The following CDH13 variants were observed in gnomAD, a reference collection of about 807,000 sequenced individuals.
CDH13 encodes the protein cadherin-13.
A neutral mutation model predicts 63.8 loss-of-function variants in CDH13; 24 were observed. The ratio of observed to expected loss-of-function variants is 0.38; its 90% CI spans 0.27 to 0.53. CDH13 has a LOEUF of 0.53. Among genes scored for constraint, CDH13 ranks in the 20% least tolerant of loss-of-function variants. The pLI, the probability that CDH13 is intolerant of heterozygous loss-of-function variation, is 0.85. For synonymous variants in CDH13, 503 were observed against 355.3 expected, an observed-to-expected ratio of 1.42 and a Z score of -4.67; for missense variants, 1,049 against 903.1, an observed-to-expected ratio of 1.16 and a Z score of -2.07.
chr16:83,286,451 G>C (rs973339554), intron 5 of CDH13, among the ~76,000 whole-genome samples: 3 of 152,136 alleles, frequency 2.0e-5, no homozygotes, highest in Admixed American at 2.0e-4. Flanking sequence ...TTGGGTGATA[G>C]AAGTTTCCGT....
intron 8 of CDH13, among the ~76,000 whole-genome samples, chr16:83,656,529 C>G (rs911437100): frequency 1.3e-5 from 2 of 152,094 alleles, no homozygotes; most frequent in Non-Finnish European, 2.9e-5. Context: ...CATCCAGGTG[C>G]TGACTGATGA....
intron 6 of CDH13, among the ~76,000 whole-genome samples, chr16:83,350,061 G>C (rs1401298491): frequency 6.6e-6 from 1 of 152,206 alleles, no homozygotes; most frequent in East Asian, 1.9e-4. Flanking sequence ...ATGAGACATA[G>C]GTTCAAAGCT....
At position 82,717,012 on chromosome 16, in the gene CDH13, G is replaced by T. The variant is rs149040660; in HGVS notation, c.45+89875G>T. 2.2e-3 allele frequency among the ~76,000 whole-genome samples: 332 copies of T among 152,190 alleles called. 7 individuals are homozygous for T. In the East Asian group the frequency reaches 0.041, roughly 19 times the overall value. The stretch of plus-strand genomic sequence containing the variant: ...GATGCTGGAAGGAGTGCCTTTTGGG[G>T]AATGAGCTGAGCTTGGCCAGATGCT... On this transcript the variant is annotated intron_variant, in intron 1 of 13. Transcript: ENST00000567109.
chr16:83,183,063 G>C (rs959435528), intron 4 of CDH13, among the ~76,000 whole-genome samples: 5 of 152,060 alleles, frequency 3.3e-5, no homozygotes, highest in African/African-American at 7.2e-5. Flanking sequence ...GGATTTTTCA[G>C]ATAAGGTTCC....
At chr16:83,559,612 GGAAA>G (rs2075666094) in intron 7 of CDH13, among the ~76,000 whole-genome samples, 2 of 149,388 alleles carry the variant, frequency 1.3e-5, no homozygotes, top group African/African-American at 4.9e-5. Context: ...AAGGAAGGAA[GGAAA>G]GAAAGAGAAA....
intron 8 of CDH13, among the ~76,000 whole-genome samples, chr16:83,610,175 C>T (rs1266602806): frequency 1.3e-5 from 2 of 151,948 alleles, no homozygotes; most frequent in African/African-American, 2.4e-5. Flanking sequence ...CTGCTGTGAA[C>T]ATTCATGTAA....
intron 6 of CDH13, among the ~76,000 whole-genome samples, chr16:83,356,882 C>T (rs902829608): frequency 6.6e-6 from 1 of 152,130 alleles, no homozygotes; most frequent in South Asian, 2.1e-4. Flanking sequence ...AGTATAGTAC[C>T]CAAGCTATTT....
intron 3 of CDH13, among the ~76,000 whole-genome samples, chr16:83,054,075 C>A (rs551040711): frequency 1.3e-5 from 2 of 152,216 alleles, no homozygotes; most frequent in East Asian, 3.9e-4. Context: ...ACATACTGTA[C>A]GGGTTTATAG....
At chr16:82,783,010 C>T (rs1469678825) in intron 1 of CDH13, among the ~76,000 whole-genome samples, 2 of 152,190 alleles carry the variant, frequency 1.3e-5, no homozygotes, top group African/African-American at 4.8e-5. Flanking sequence ...CCAAACAATG[C>T]CTGGGACCCA....
chr16:83,356,983 T>A (rs897115588), intron 6 of CDH13, among the ~76,000 whole-genome samples: 1 of 152,204 alleles, frequency 6.6e-6, no homozygotes. Flanking sequence ...AGTTTTCCAC[T>A]TTTCTTTAGT....
intron 5 of CDH13, among the ~76,000 whole-genome samples, chr16:83,271,439 A>T (rs1321912437): frequency 3.6e-5 from 5 of 137,426 alleles, no homozygotes; most frequent in African/African-American, 1.3e-4. Context: ...AAAAAAAAAA[A>T]AAAAAAAAAA....
intron 7 of CDH13, among the ~76,000 whole-genome samples, chr16:83,519,080 G>C (rs1159787795): frequency 6.6e-6 from 1 of 152,120 alleles, no homozygotes; most frequent in Non-Finnish European, 1.5e-5. Flanking sequence ...TTCTTTGTCC[G>C]TAGCCTGGAA....
intron 5 of CDH13, among the ~76,000 whole-genome samples, chr16:83,259,576 A>T (rs2151834086): frequency 6.6e-6 from 1 of 152,348 alleles, no homozygotes; most frequent in East Asian, 1.9e-4. Context: ...CATAGATTAC[A>T]GGCAGAGAAA....
rs550381245 is a variant in CDH13 at position 83,209,931 on chromosome 16, A to G, written c.484-7414A>G. 3.9e-5 allele frequency among the ~76,000 whole-genome samples: 6 copies of G among 152,202 alleles called. No homozygotes were observed. The South Asian group carries it at 6.2e-4, about 16-fold the overall frequency. ...GGGGGATGGCCATCCAGCTAAAGAAAGGCACAGCTCAGAGGGCTGTGCCTC... is the reference window on the plus strand; with the variant it reads ...GGGGGATGGCCATCCAGCTAAAGAAGGGCACAGCTCAGAGGGCTGTGCCTC... On this transcript the variant is annotated intron_variant, in intron 4 of 13. Transcript: ENST00000567109.
At chr16:82,858,659 A>G (rs963815589) in intron 2 of CDH13, 186 bp downstream of exon 2, 34 of 633,090 alleles carry the variant, frequency 5.4e-5, no homozygotes, top group Non-Finnish European at 7.9e-5. Flanking sequence ...AGGTTAATAG[A>G]GTGATATGCA....
chr16:83,371,419 A>G (rs553807485), intron 6 of CDH13, among the ~76,000 whole-genome samples: 2 of 152,194 alleles, frequency 1.3e-5, no homozygotes, highest in East Asian at 1.9e-4. Flanking sequence ...ACTGCCCATT[A>G]TAAGCCCTTT....
chr16:83,312,419 G>A lies in CDH13; in HGVS notation c.637-32443G>A, dbSNP rs559018348. Among the ~76,000 whole-genome samples the A allele has an allele frequency of 7.8e-4, 119 of 152,272 alleles. 1 individual carries two copies. The highest frequency in any genetic ancestry group is 2.9e-3 in the African/African-American group (119 of 41,564). Reference sequence around the variant, plus strand: ...AAGGACAGGAGCAAGTTCAGTTCTGGGGATCCCAGCGAGCATACTGTCTCT... The same window carrying A: ...AAGGACAGGAGCAAGTTCAGTTCTGAGGATCCCAGCGAGCATACTGTCTCT... On this transcript the variant is annotated intron_variant, in intron 5 of 13. Transcript: ENST00000567109.
chr16:83,196,873 G>A (rs962586072), intron 4 of CDH13, among the ~76,000 whole-genome samples: 36 of 152,168 alleles, frequency 2.4e-4, no homozygotes, highest in African/African-American at 8.4e-4. Flanking sequence ...GTCAAGAAAC[G>A]AGTTTGGCAG....
intron 1 of CDH13, among the ~76,000 whole-genome samples, chr16:82,795,624 C>T (rs1394924593): frequency 1.3e-5 from 2 of 152,194 alleles, no homozygotes; most frequent in African/African-American, 4.8e-5. Flanking sequence ...ACACACCTCA[C>T]CCAAGGTCCT....
Sources: allele counts gnomAD v4.1 joint callset (sites outside exome capture counted in the v4.1 genomes callset), GRCh38; gene constraint gnomAD v4.1.1; transcripts MANE v1.5; gene names NCBI Gene and HGNC (gene_info 2026-07-23, HGNC 2026-07-21).